Variants in SENP7 observed in about 807,000 individuals in gnomAD.
SENP7 encodes SUMO specific peptidase 7, also known as sentrin-specific protease 7.
In SENP7, 64 loss-of-function variants were observed where a neutral mutation model predicts 141.2. The observed-to-expected ratio is 0.45, with a 90% CI of 0.37 to 0.56. SENP7 has a LOEUF of 0.56. SENP7 is among the 20% of genes least tolerant of loss of function. The probability of loss-of-function intolerance (pLI) is 0.00; values close to 1 mark genes in which losing one functional copy is unlikely to be tolerated. For synonymous variants in SENP7, 382 were observed against 426.4 expected, an observed-to-expected ratio of 0.90 and a Z score of 1.28; for missense variants, 1,025 against 1,212.2, an observed-to-expected ratio of 0.85 and a Z score of 2.29.
upstream of SENP7, chr3:101,513,212 GGAAAAAAAAAAAAAAAAAAA>G (rs2065942772): frequency 6.8e-4 from 93 of 136,002 alleles, 3 homozygotes; most frequent in Admixed American, 4.4e-3. Flanking sequence ...GGAGGGGAAA[GGAAAAAAAAAAAAAAAAAAA>G]AAAAAAAAAA....
At position 101,331,730 on chromosome 3, in the gene SENP7, CT is replaced by C. The variant is rs546214337; in HGVS notation, c.2698+254del. Among the ~76,000 whole-genome samples, 412 of 152,030 alleles carry C rather than the reference CT, an allele frequency of 2.7e-3. 1 individual carries two copies. The highest frequency in any genetic ancestry group is 9.6e-3 in the African/African-American group (396 of 41,464). On this transcript the variant is annotated intron_variant, in intron 19 of 23. Transcript: ENST00000394095. ...ATTGATGTTGGTCATATTAGTTATA[CT>C]TTTTTGTATGTTTGAAATATTTCAT...
intron 6 of SENP7, among the ~76,000 whole-genome samples, chr3:101,386,916 G>A (rs1458621011): frequency 1.3e-5 from 2 of 152,200 alleles, no homozygotes; most frequent in African/African-American, 2.4e-5. Context: ...ACTAGCACAT[G>A]CCATACAGGG....
intron 5 of SENP7, among the ~76,000 whole-genome samples, chr3:101,405,479 C>T (rs781077032): frequency 3.3e-4 from 50 of 152,232 alleles, no homozygotes; most frequent in Non-Finnish European, 6.2e-4. Context: ...ACTCAAATGA[C>T]AAGGAACCAG....
In SENP7 at chr3:101,341,752, T is replaced by C. The variant is rs779486501; in HGVS notation, c.2134A>G (p.Thr712Ala). The part of the protein sequence containing the change: ...QPSNTDAAKP[T>A]YTFLQKQSSG... ...CTTTGCTTCTGCAGGAAGGTGTAAG[T>C]AGGCTTGGCCGCATCTGTGTTTGAG... is the stretch of plus-strand genomic sequence containing the variant. The change falls in exon 15 of 24, where the codon ACT becomes GCT. Residue 712 changes from threonine (T) to alanine (A), a missense_variant. Coordinates refer to ENST00000394095, the MANE Select transcript of SENP7 (RefSeq NM_020654.5). 1.6e-5 allele frequency: 25 copies of C among 1,609,718 alleles called. No individual in the cohort carries two copies. The highest frequency in any genetic ancestry group is 8.5e-7 in the Non-Finnish European group (1 of 1,176,772).
chr3:101,372,906 G>A (rs1576131572), intron 6 of SENP7, among the ~76,000 whole-genome samples: 2 of 151,848 alleles, frequency 1.3e-5, no homozygotes, highest in African/African-American at 4.8e-5. Flanking sequence ...GATATGTATT[G>A]GCATATTATT....
chr3:101,359,045 TA>T (rs1457870527), intron 11 of SENP7: 5 of 147,744 alleles, frequency 3.4e-5, no homozygotes, highest in Non-Finnish European at 3.0e-5. Context: ...TGCAATACAT[TA>T]AAAAAAAAAG....
chr3:101,330,237 G>A (rs1039153361), intron 20 of SENP7, 97 bp downstream of exon 20: 4 of 799,726 alleles, frequency 5.0e-6, no homozygotes, highest in Non-Finnish European at 8.2e-6. Context: ...ATCTAATGAT[G>A]GGCCAGCATA....
At chr3:101,473,029 T>C (rs899050515) in intron 3 of SENP7, among the ~76,000 whole-genome samples, 4 of 152,152 alleles carry the variant, frequency 2.6e-5, no homozygotes, top group Non-Finnish European at 4.4e-5. Context: ...TGTCCTCCAT[T>C]AGTTTGCTAA....
intron 4 of SENP7, among the ~76,000 whole-genome samples, chr3:101,433,976 G>GAA (rs1475210856): frequency 5.1e-5 from 4 of 78,796 alleles, no homozygotes; most frequent in Non-Finnish European, 9.7e-5. Flanking sequence ...AACAGCTGCA[G>GAA]AATACATTCT....
intron 7 of SENP7, 88 bp from the exon 8 acceptor site, chr3:101,368,099 G>A: frequency 2.2e-6 from 2 of 929,520 alleles, no homozygotes; most frequent in Non-Finnish European, 3.3e-6. Context: ...CATCAGGATT[G>A]CTATACTACT....
At chr3:101,372,311 C>T (rs2060204177) in intron 6 of SENP7, among the ~76,000 whole-genome samples, 185 bp from the exon 7 acceptor site, 1 of 152,044 alleles carries the variant, frequency 6.6e-6, no homozygotes, top group Admixed American at 6.6e-5. Context: ...CCTTTTCTAC[C>T]TTTAAATTCC....
At chr3:101,463,358 TAAATAA>T in intron 3 of SENP7, among the ~76,000 whole-genome samples, 1 of 89,750 alleles carries the variant, frequency 1.1e-5, no homozygotes, top group African/African-American at 5.3e-5. Flanking sequence ...CATAAATAAA[TAAATAA>T]ATATATATAT....
At chr3:101,360,897 A>G (rs1328120433) in intron 11 of SENP7, among the ~76,000 whole-genome samples, 1 of 152,158 alleles carries the variant, frequency 6.6e-6, no homozygotes, top group East Asian at 1.9e-4. Flanking sequence ...TAAAAGGTCA[A>G]AATGGTAAGA....
intron 4 of SENP7, among the ~76,000 whole-genome samples, chr3:101,448,214 G>A (rs1478459168): frequency 6.6e-6 from 1 of 152,008 alleles, no homozygotes; most frequent in East Asian, 1.9e-4. Context: ...GACACCAAAA[G>A]CACAGAGACT....
At position 101,417,713 on chromosome 3, in the gene SENP7, T is replaced by A; in HGVS notation, c.362A>T (p.Asp121Val). ...CTTGTTGGCATCACATAAATTAGCATCGTTTCTAGGTAGGGTCTTTCTGAA... is the reference window on the plus strand; with the variant it reads ...CTTGTTGGCATCACATAAATTAGCAACGTTTCTAGGTAGGGTCTTTCTGAA... The part of the protein sequence containing the change: ...RKFRKTLPRN[D>V]ANLCDANKVQ... Residue 121 changes from aspartate (D) to valine (V), a missense_variant, in exon 5 of 24, where the codon GAT becomes GTT. Coordinates refer to ENST00000394095, the MANE Select transcript of SENP7 (RefSeq NM_020654.5). The A allele has an allele frequency of 6.2e-7, 1 of 1,614,048 alleles. No individual in the cohort carries two copies. The highest frequency in any genetic ancestry group is 1.3e-5 in the African/African-American group (1 of 75,072).
At chr3:101,397,186 T>C (rs892954018) in intron 6 of SENP7, among the ~76,000 whole-genome samples, 11 of 152,254 alleles carry the variant, frequency 7.2e-5, no homozygotes, top group African/African-American at 2.6e-4. Context: ...CAGGCTAGGA[T>C]GCAGTGGCTA....
intron 8 of SENP7, 103 bp downstream of exon 8, chr3:101,367,727 A>G (rs1193059351): frequency 4.2e-6 from 3 of 715,670 alleles, no homozygotes; most frequent in Non-Finnish European, 6.6e-6. Flanking sequence ...AAGAAATCTC[A>G]TAATAAAAGC....
chr3:101,434,653 T>A (rs1318047748), intron 4 of SENP7, among the ~76,000 whole-genome samples: 1 of 152,084 alleles, frequency 6.6e-6, no homozygotes, highest in East Asian at 1.9e-4. Flanking sequence ...TATATGCCAA[T>A]AAATTGGAAA....
chr3:101,375,611 C>T (rs548876365), intron 6 of SENP7, among the ~76,000 whole-genome samples: 1 of 151,074 alleles, frequency 6.6e-6, no homozygotes, highest in African/African-American at 2.4e-5. Flanking sequence ...CAATCCCACT[C>T]CTAGGTATAT....
Sources: allele counts gnomAD v4.1 joint callset (sites outside exome capture counted in the v4.1 genomes callset), GRCh38; gene constraint gnomAD v4.1.1; transcripts MANE v1.5; gene names NCBI Gene and HGNC (gene_info 2026-07-23, HGNC 2026-07-21).